The following UQCRH variants were observed in gnomAD, a reference collection of about 807,000 sequenced individuals.
UQCRH encodes the protein ubiquinol-cytochrome c reductase hinge protein, also known as cytochrome b-c1 complex subunit 6, mitochondrial.
In UQCRH, 14 loss-of-function variants were observed where a neutral mutation model predicts 16.3. The ratio of observed to expected loss-of-function variants is 0.86; its 90% confidence interval spans 0.57 to 1.34. The LOEUF is 1.34. UQCRH is among the 40% of genes most tolerant of loss of function. The probability of loss-of-function intolerance (pLI) is 0.00; values close to 1 mark genes in which losing one functional copy is unlikely to be tolerated. For synonymous variants in UQCRH, 41 were observed against 41.9 expected, an observed-to-expected ratio of 0.98 and a Z score of 0.08; for missense variants, 89 against 111.9, an observed-to-expected ratio of 0.80 and a Z score of 0.92.
chr1:46,315,846 C>G (rs971037693), intron 3 of UQCRH, among the ~76,000 whole-genome samples: 10 of 152,092 alleles, frequency 6.6e-5, no homozygotes, highest in African/African-American at 2.4e-4. Context: ...AACATCCCTA[C>G]TGTTGATTTT....
At chr1:46,311,209 C>T (rs1661467091) in intron 3 of UQCRH, among the ~76,000 whole-genome samples, 1 of 151,926 alleles carries the variant, frequency 6.6e-6, no homozygotes. Context: ...CCAACATGCA[C>T]CACTAAACAG....
At position 46,315,218 on chromosome 1, in the gene UQCRH, G is replaced by A. The variant is rs562864633; in HGVS notation, c.244-1334G>A. Among the ~76,000 whole-genome samples, 92 of 152,298 alleles carry A rather than the reference G, an allele frequency of 6.0e-4. 2 individuals carry two copies. In the South Asian group the frequency reaches 0.018, roughly 30 times the overall value. The stretch of plus-strand genomic sequence containing the variant: ...CCAGCACTTTCAGAGGCTGAGGCAC[G>A]TGGATCACCTGAGGTCGGGAGTTCG... On this transcript the variant is annotated intron_variant, in intron 3 of 3. Transcript: ENST00000311672.
chr1:46,310,821 AC>A (rs1166532570), intron 3 of UQCRH, among the ~76,000 whole-genome samples: 1 of 151,978 alleles, frequency 6.6e-6, no homozygotes, highest in African/African-American at 2.4e-5. Flanking sequence ...TAATCCCAGC[AC>A]TTTGGGAGGC....
At chr1:46,312,978 C>T (rs2148337234) in intron 3 of UQCRH, among the ~76,000 whole-genome samples, 1 of 152,152 alleles carries the variant, frequency 6.6e-6, no homozygotes, top group East Asian at 1.9e-4. Flanking sequence ...AAGTTGGAAA[C>T]CTCATACGCT....
intron 1 of UQCRH, among the ~76,000 whole-genome samples, chr1:46,305,497 CCGAGGCGGGTGGATCG>C (rs1661355819): frequency 1.5e-5 from 2 of 130,990 alleles, no homozygotes; most frequent in Non-Finnish European, 3.7e-5. Context: ...GATCGGGAGG[CCGAGGCGGGTGGATCG>C]GGAGGCCGAG....
At chr1:46,307,035 G>A (rs535668304) in intron 1 of UQCRH, among the ~76,000 whole-genome samples, 7 of 152,030 alleles carry the variant, frequency 4.6e-5, no homozygotes, top group African/African-American at 1.4e-4. Context: ...ACAGACGTGC[G>A]CCACCATGCC....
At chr1:46,307,918 C>T (rs192754031) in intron 1 of UQCRH, among the ~76,000 whole-genome samples, 2 of 152,284 alleles carry the variant, frequency 1.3e-5, no homozygotes, top group African/African-American at 4.8e-5. Context: ...CTAAATTTTG[C>T]TATTTGTAGC....
Position 46,309,139 on chromosome 1 carries a change from C to T in UQCRH, c.81+12C>T. 2.5e-6 allele frequency: 4 copies of T among 1,609,618 alleles called. No individual in the cohort carries two copies. The highest frequency in any genetic ancestry group is 1.1e-5 in the South Asian group (1 of 89,700). On this transcript the variant is annotated intron_variant, in intron 2 of 3. Coordinates refer to ENST00000311672, the MANE Select transcript of UQCRH (RefSeq NM_006004.4). ...AGGAGGAATTAGTGGTAAGAACTGT[C>T]TCAGGTTTGGAAACATCTCAGTAAA...
Position 46,316,733 on chromosome 1 carries a change from A to AT in UQCRH, c.*151dup. ...GGCTTAGGCTGGTAGCTTCTATGTA[A>AT]TTCGCAATGATTCCATCTAAATAAA... On this transcript the variant is annotated 3_prime_UTR_variant, in exon 4 of 4. Transcript: ENST00000311672. The AT allele has an allele frequency of 9.4e-7, 1 of 1,059,076 alleles. No individual in the cohort carries two copies. Among genetic ancestry groups the AT allele is most frequent in the Non-Finnish European group, 1.3e-6 (1 of 758,554 alleles). 65.6% of individuals were successfully genotyped at this position (1,059,076 alleles called of 1,614,324 possible). A position where few individuals can be genotyped will look rare whatever the true frequency, so the allele number is the denominator to read the frequency against.
intron 1 of UQCRH, among the ~76,000 whole-genome samples, chr1:46,308,513 G>A (rs59007683): frequency 2.0e-5 from 3 of 152,162 alleles, no homozygotes; most frequent in African/African-American, 7.2e-5. Context: ...TAGAGAAGGG[G>A]AAACAGGAGC....
chr1:46,314,187 C>T (rs533562997), intron 3 of UQCRH, among the ~76,000 whole-genome samples: 7 of 151,898 alleles, frequency 4.6e-5, no homozygotes, highest in South Asian at 2.1e-4. Flanking sequence ...CTGGCTAACA[C>T]GGTAAAACCC....
At chr1:46,310,061 A>G in intron 2 of UQCRH, 94 bp from the exon 3 acceptor site, 2 of 1,575,970 alleles carry the variant, frequency 1.3e-6, no homozygotes, top group Admixed American at 1.9e-5. Flanking sequence ...CAGAGGCAGC[A>G]CCTTGGTTTG....
intron 3 of UQCRH, among the ~76,000 whole-genome samples, chr1:46,313,688 T>G (rs982467063): frequency 1.4e-5 from 2 of 143,334 alleles, no homozygotes; most frequent in East Asian, 2.1e-4. Context: ...TAGATAGATA[T>G]AGATAACCAG....
chr1:46,310,205 A>T lies in UQCRH; in HGVS notation c.132A>T (p.Val44=). Residue 44 remains valine, a synonymous_variant, in exon 3 of 4, where the codon GTA becomes GTT. Coordinates refer to ENST00000311672, the MANE Select transcript of UQCRH (RefSeq NM_006004.4). The part of the protein sequence containing the change: ...REQCEQLEKC[V]KARERLELCD... ...AATGCGAGCAGTTGGAGAAATGTGT[A>T]AAGGCCCGGGAGCGGCTAGAGCTCT... is the stretch of plus-strand genomic sequence containing the variant. 2.5e-6 allele frequency: 4 copies of T among 1,614,220 alleles called. No individual in the cohort carries two copies. The highest frequency in any genetic ancestry group is 3.4e-6 in the Non-Finnish European group (4 of 1,180,046).
intron 2 of UQCRH, chr1:46,309,931 T>G (rs1661437001): frequency 7.0e-7 from 1 of 1,435,088 alleles, no homozygotes; most frequent in African/African-American, 1.4e-5. Context: ...ACTGGCAACC[T>G]TGGAAGGCAG....
chr1:46,305,364 T>G, intron 1 of UQCRH, among the ~76,000 whole-genome samples: 1 of 141,356 alleles, frequency 7.1e-6, no homozygotes, highest in Non-Finnish European at 1.5e-5. Context: ...GTCAGCAAGA[T>G]CCACCGCTGC....
intron 1 of UQCRH, 85 bp downstream of exon 1, chr1:46,303,905 G>T: frequency 3.8e-6 from 6 of 1,584,220 alleles, no homozygotes; most frequent in Non-Finnish European, 5.2e-6. Flanking sequence ...GGCCCTCTTA[G>T]CCCCCAGTTT....
At chr1:46,309,963 T>C (rs958144768) in intron 2 of UQCRH, 192 bp from the exon 3 acceptor site, 13 of 1,458,610 alleles carry the variant, frequency 8.9e-6, no homozygotes, top group South Asian at 1.4e-5. Flanking sequence ...TTTTCCCTAC[T>C]ACTTAGCATC....
intron 1 of UQCRH, among the ~76,000 whole-genome samples, chr1:46,308,015 T>A (rs1225952405): frequency 6.6e-6 from 1 of 152,228 alleles, no homozygotes; most frequent in Admixed American, 6.5e-5. Flanking sequence ...CTAATTACTG[T>A]TTATTATCTC....
Sources: allele counts gnomAD v4.1 joint callset (sites outside exome capture counted in the v4.1 genomes callset), GRCh38; gene constraint gnomAD v4.1.1; transcripts MANE v1.5; gene names NCBI Gene and HGNC (gene_info 2026-07-23, HGNC 2026-07-21).